Variants in SPMAP2L observed in about 807,000 individuals in gnomAD.
The protein encoded by SPMAP2L is sperm microtubule associated protein 2-like.
chr4:56,585,049 A>G, the SPMAP2L span, among the ~76,000 whole-genome samples: 4 of 152,204 alleles, frequency 2.6e-5, no homozygotes, highest in Admixed American at 2.6e-4. Flanking sequence ...TTCTAATAGC[A>G]AGGGAGGCTC....
chr4:56,588,017 G>A, the SPMAP2L span, among the ~76,000 whole-genome samples: 3 of 152,250 alleles, frequency 2.0e-5, no homozygotes, highest in African/African-American at 7.2e-5. Context: ...CATTCTTGCA[G>A]GAGTAAGCTG....
chr4:56,575,455 T>G, the SPMAP2L span: 1 of 1,527,880 alleles, frequency 6.5e-7, no homozygotes, highest in Admixed American at 2.0e-5. Flanking sequence ...CTATGACAAT[T>G]TGAAATCATG....
chr4:56,563,816 C>T, the SPMAP2L span, among the ~76,000 whole-genome samples: 1 of 152,134 alleles, frequency 6.6e-6, no homozygotes, highest in African/African-American at 2.4e-5. Flanking sequence ...AGAATTCTTG[C>T]ATCTATGTCC....
the SPMAP2L span, among the ~76,000 whole-genome samples, chr4:56,558,927 T>C: frequency 6.6e-6 from 1 of 152,100 alleles, no homozygotes; most frequent in Non-Finnish European, 1.5e-5. Context: ...TTCTCACCTC[T>C]ACCCACTACT....
At chr4:56,622,199 G>A in the SPMAP2L span, among the ~76,000 whole-genome samples, 1 of 152,218 alleles carries the variant, frequency 6.6e-6, no homozygotes, top group East Asian at 1.9e-4. Flanking sequence ...ATAAATTAGT[G>A]GAAGAAGAGA....
At chr4:56,588,163 ATTGT>A in the SPMAP2L span, among the ~76,000 whole-genome samples, 2 of 151,628 alleles carry the variant, frequency 1.3e-5, no homozygotes, top group Non-Finnish European at 2.9e-5. Context: ...TTTTAATGGG[ATTGT>A]TTGTTTTCTT....
chr4:56,566,459 AAT>A, the SPMAP2L span, among the ~76,000 whole-genome samples: 1 of 151,954 alleles, frequency 6.6e-6, no homozygotes, highest in Non-Finnish European at 1.5e-5. Flanking sequence ...GGCCTCCCAA[AAT>A]GCTGGGATTA....
the SPMAP2L span, among the ~76,000 whole-genome samples, chr4:56,583,381 T>G: frequency 6.6e-6 from 1 of 152,218 alleles, no homozygotes; most frequent in African/African-American, 2.4e-5. Flanking sequence ...GATTCTGAAA[T>G]TAGATAGTGG....
At chr4:56,591,801 G>A in the SPMAP2L span, among the ~76,000 whole-genome samples, 1 of 152,128 alleles carries the variant, frequency 6.6e-6, no homozygotes, top group Admixed American at 6.5e-5. Context: ...GAGTCTAGTG[G>A]GGAGACGTAT....
At chr4:56,530,809 G>A in the SPMAP2L span, 5 of 1,535,248 alleles carry the variant, frequency 3.3e-6, no homozygotes, top group Non-Finnish European at 3.5e-6. Context: ...CACTCACAGA[G>A]AGCTTGAGGA....
chr4:56,547,531 C>A, the SPMAP2L span, among the ~76,000 whole-genome samples: 5 of 152,180 alleles, frequency 3.3e-5, no homozygotes, highest in Non-Finnish European at 7.3e-5. Flanking sequence ...CAGGCATGAG[C>A]CACTGCACGA....
At chr4:56,603,933 T>G in the SPMAP2L span, among the ~76,000 whole-genome samples, 2 of 152,204 alleles carry the variant, frequency 1.3e-5, no homozygotes, top group Non-Finnish European at 2.9e-5. Context: ...TCACTTACCA[T>G]GAATGAGAGA....
the SPMAP2L span, among the ~76,000 whole-genome samples, chr4:56,564,772 CCTTT>C: frequency 6.6e-6 from 1 of 151,818 alleles, no homozygotes; most frequent in Non-Finnish European, 1.5e-5. Flanking sequence ...TGACTTGAGA[CCTTT>C]CTTATTTTTT....
chr4:56,588,659 A>AACCTCAGGTGATCCGCCT, the SPMAP2L span, among the ~76,000 whole-genome samples: 3 of 152,090 alleles, frequency 2.0e-5, no homozygotes, highest in Non-Finnish European at 4.4e-5. Flanking sequence ...TTGAACTCCC[A>AACCTCAGGTGATCCGCCT]ACCTCAGGTG....
At chr4:56,537,538 A>G in the SPMAP2L span, among the ~76,000 whole-genome samples, 1 of 152,162 alleles carries the variant, frequency 6.6e-6, no homozygotes, top group African/African-American at 2.4e-5. Context: ...GCTAAAGAAA[A>G]TCTATTCTTC....
the SPMAP2L span, among the ~76,000 whole-genome samples, chr4:56,610,270 T>C: frequency 1.4e-5 from 2 of 145,942 alleles, no homozygotes; most frequent in African/African-American, 2.6e-5. Flanking sequence ...ATGGAACAGA[T>C]AGAGAACCCA....
the SPMAP2L span, among the ~76,000 whole-genome samples, chr4:56,550,301 T>C: frequency 2.6e-5 from 4 of 152,032 alleles, no homozygotes; most frequent in African/African-American, 9.7e-5. Flanking sequence ...TTTACCATGC[T>C]TCTAGATTTT....
the SPMAP2L span, among the ~76,000 whole-genome samples, chr4:56,598,368 T>G: frequency 6.6e-6 from 1 of 152,174 alleles, no homozygotes; most frequent in Non-Finnish European, 1.5e-5. Flanking sequence ...GTAATTCCCC[T>G]TGAGCAGCTT....
chr4:56,610,206 A>C, the SPMAP2L span, among the ~76,000 whole-genome samples: 1 of 152,184 alleles, frequency 6.6e-6, no homozygotes. Flanking sequence ...AACTACTAAA[A>C]GGCCATAGTC....
Sources: allele counts gnomAD v4.1 joint callset (sites outside exome capture counted in the v4.1 genomes callset), GRCh38; gene constraint gnomAD v4.1.1; transcripts MANE v1.5; gene names NCBI Gene and HGNC (gene_info 2026-07-23, HGNC 2026-07-21).